Variants in CDS1 observed in about 807,000 individuals in gnomAD.
CDS1 encodes the protein CDP-diacylglycerol synthase 1.
A neutral mutation model predicts 62.1 loss-of-function variants in CDS1; 41 were observed. That is an observed-to-expected ratio of 0.66 (90% CI 0.51 to 0.86). The LOEUF is 0.86. Ranked by LOEUF, CDS1 falls within the 40% of genes least tolerant of loss-of-function variation. CDS1 has a pLI of 0.00. For missense variants in CDS1, 470 were observed against 550.1 expected (o/e 0.85, Z 1.46); for synonymous variants, 185 against 192.6 (o/e 0.96, Z 0.32).
At chr4:84,610,373 G>C (rs1723281043) in intron 3 of CDS1, among the ~76,000 whole-genome samples, 1 of 152,148 alleles carries the variant, frequency 6.6e-6, no homozygotes, top group Non-Finnish European at 1.5e-5. Flanking sequence ...ACATGTAGAG[G>C]GTGTCTATAT....
In CDS1 at chr4:84,649,689, T is replaced by G. The variant is rs1724673462; in HGVS notation, c.*1003T>G. 1 of 152,216 alleles carries G rather than the reference T, an allele frequency of 6.6e-6. No individual in the cohort carries two copies. The highest frequency in any genetic ancestry group is 1.5e-5 in the Non-Finnish European group (1 of 68,058). The allele number at this position is 152,216 out of a possible 1,614,324, so 9.4% of individuals were successfully genotyped here. A position where few individuals can be genotyped will look rare whatever the true frequency, so the allele number is the denominator to read the frequency against. ...TAGTGCAGCCCTTTGTAGACTCACC[T>G]CGCAAGAAGGAAGATCTGCCTGGAG... is the stretch of plus-strand genomic sequence containing the variant. On this transcript the variant is annotated 3_prime_UTR_variant, in exon 13 of 13. Transcript: ENST00000295887.
chr4:84,597,863 A>G (rs1396315379), intron 1 of CDS1, among the ~76,000 whole-genome samples: 1 of 152,088 alleles, frequency 6.6e-6, no homozygotes, highest in African/African-American at 2.4e-5. Flanking sequence ...GCGGTGGCTC[A>G]TGCCTGTAAT....
chr4:84,609,983 A>G (rs950656083), intron 3 of CDS1, among the ~76,000 whole-genome samples: 1 of 151,828 alleles, frequency 6.6e-6, no homozygotes, highest in Middle Eastern at 3.4e-3. Flanking sequence ...GTGCTACTGC[A>G]CTGCAGCCTG....
At chr4:84,632,694 T>C (rs1161798851) in intron 6 of CDS1, among the ~76,000 whole-genome samples, 1 of 152,170 alleles carries the variant, frequency 6.6e-6, no homozygotes, top group East Asian at 1.9e-4. Context: ...ATGGCATCTA[T>C]TGGAAAAAAT....
intron 1 of CDS1, among the ~76,000 whole-genome samples, chr4:84,588,864 C>T (rs920340287): frequency 6.6e-6 from 1 of 152,150 alleles, no homozygotes; most frequent in African/African-American, 2.4e-5. Context: ...CATGTAATCA[C>T]AACAAAATTC....
chr4:84,642,106 T>A (rs1322089793), intron 10 of CDS1, among the ~76,000 whole-genome samples: 1 of 152,162 alleles, frequency 6.6e-6, no homozygotes, highest in Non-Finnish European at 1.5e-5. Flanking sequence ...GGCAGGTGGA[T>A]CACCTGATGC....
chr4:84,642,068 C>G (rs1724401099), intron 10 of CDS1, among the ~76,000 whole-genome samples: 1 of 152,150 alleles, frequency 6.6e-6, no homozygotes, highest in South Asian at 2.1e-4. Context: ...TGGCTTATGC[C>G]TGTAATCCCA....
intron 7 of CDS1, 26 bp downstream of exon 7, chr4:84,633,965 T>C: frequency 7.4e-7 from 1 of 1,359,634 alleles, no homozygotes; most frequent in Non-Finnish European, 1.0e-6. Context: ...TATGCTGCTT[T>C]ATAAGTATGT....
In CDS1 at chr4:84,648,743, G is replaced by A. The variant is rs894679276; in HGVS notation, c.*57G>A. ...GGAATTATTCAGAAAAACACTGACA[G>A]ATGTTTTATAAATTGTACAGAAAAA... On this transcript the variant is annotated 3_prime_UTR_variant, in exon 13 of 13. Transcript: ENST00000295887. The A allele has an allele frequency of 2.2e-5, 33 of 1,514,310 alleles. No individual in the cohort carries two copies. The Admixed American group carries it at 6.5e-4, about 30-fold the overall frequency. The allele number at this position is 1,514,310 out of a possible 1,614,324, so 93.8% of individuals were successfully genotyped here.
intron 5 of CDS1, among the ~76,000 whole-genome samples, chr4:84,622,816 CTACTT>C (rs1184732754): frequency 6.6e-6 from 1 of 152,028 alleles, no homozygotes; most frequent in African/African-American, 2.4e-5. Flanking sequence ...CTGTTATAAC[CTACTT>C]TACTTCTTCA....
At chr4:84,598,964 A>C (rs931072553) in intron 1 of CDS1, among the ~76,000 whole-genome samples, 1 of 152,116 alleles carries the variant, frequency 6.6e-6, no homozygotes, top group Non-Finnish European at 1.5e-5. Context: ...TCTTTCCTGG[A>C]CTGCTCTTTA....
chr4:84,592,501 A>T (rs2110035726), intron 1 of CDS1, among the ~76,000 whole-genome samples: 1 of 152,218 alleles, frequency 6.6e-6, no homozygotes, highest in South Asian at 2.1e-4. Flanking sequence ...CATCCCTGAG[A>T]TACACCAAGT....
intron 10 of CDS1, among the ~76,000 whole-genome samples, chr4:84,642,684 T>C (rs933469073): frequency 1.3e-5 from 2 of 152,150 alleles, no homozygotes; most frequent in Non-Finnish European, 2.9e-5. Flanking sequence ...AACAAAGCAT[T>C]ACTAGTTTAA....
In CDS1 at chr4:84,640,929, C is replaced by T. The variant is rs1411810338; in HGVS notation, c.971C>T (p.Ser324Leu). The change falls in exon 10 of 13, where the codon TCA becomes TTA. Residue 324 changes from serine (S) to leucine (L), a missense_variant. This residue lies in a region of CDS1 where 214 missense variants were observed against 242.4 expected (regional missense o/e 0.88). Coordinates refer to ENST00000295887, the MANE Select transcript of CDS1 (RefSeq NM_001263.4). ...VNSFVTECEPSELFQLQTYSL... is the reference protein window; with the variant it reads ...VNSFVTECEPLELFQLQTYSL... ...TCCTTCGTGACAGAATGTGAGCCCT[C>T]AGAACTTTTCCAGCTTCAGACTTAC... 1 of 1,611,048 alleles carries T rather than the reference C, an allele frequency of 6.2e-7. No individual in the cohort carries two copies. The highest frequency in any genetic ancestry group is 1.3e-5 in the African/African-American group (1 of 74,776).
intron 1 of CDS1, among the ~76,000 whole-genome samples, chr4:84,593,320 C>A (rs561475727): frequency 2.0e-5 from 3 of 152,112 alleles, no homozygotes; most frequent in Admixed American, 2.0e-4. Flanking sequence ...GACTTATCCC[C>A]TCAGAGGTAT....
At chr4:84,609,406 C>T in intron 2 of CDS1, 23 bp from the exon 3 acceptor site, 1 of 1,449,270 alleles carries the variant, frequency 6.9e-7, no homozygotes, top group Non-Finnish European at 9.7e-7. Context: ...ACGTTAAATA[C>T]TAACTTTACA....
At chr4:84,592,623 A>G (rs924506840) in intron 1 of CDS1, among the ~76,000 whole-genome samples, 12 of 152,226 alleles carry the variant, frequency 7.9e-5, no homozygotes, top group African/African-American at 1.7e-4. Flanking sequence ...AACTGTCAAG[A>G]TTTTAAACTT....
At chr4:84,593,045 C>A (rs1475654834) in intron 1 of CDS1, among the ~76,000 whole-genome samples, 1 of 152,148 alleles carries the variant, frequency 6.6e-6, no homozygotes, top group Admixed American at 6.5e-5. Flanking sequence ...TTCAGGAAAC[C>A]AAATTAGACT....
intron 5 of CDS1, among the ~76,000 whole-genome samples, chr4:84,623,090 GC>G (rs917965964): frequency 6.6e-6 from 1 of 152,124 alleles, no homozygotes; most frequent in Non-Finnish European, 1.5e-5. Context: ...TATATCAATT[GC>G]CTTTTTTCAT....
Sources: gnomAD v4.1 joint callset for allele counts (sites outside exome capture counted in the v4.1 genomes callset) on GRCh38, gnomAD v4.1.1 for gene constraint, gnomAD v4.1.1 regional missense constraint, MANE v1.5 for transcripts, NCBI Gene and HGNC (gene_info 2026-07-23, HGNC 2026-07-21) for gene names.